TUSC3: variants seen among roughly 807,000 people sequenced by gnomAD.
TUSC3 encodes tumor suppressor candidate 3.
TUSC3 carries 45 observed loss-of-function variants against 44.8 expected under a neutral mutation model. That is an observed-to-expected ratio of 1.00 (90% CI 0.79 to 1.29). The LOEUF is 1.29. Ranked by LOEUF, TUSC3 falls within the 50% of genes most tolerant of loss-of-function variation. TUSC3 has a pLI of 0.00. For missense variants in TUSC3, 519 were observed against 437.9 expected (o/e 1.19, Z -1.65); for synonymous variants, 212 against 152.9 (o/e 1.39, Z -2.85).
At chr8:15,627,367 T>C (rs979897519) in intron 2 of TUSC3, among the ~76,000 whole-genome samples, 16 of 152,232 alleles carry the variant, frequency 1.1e-4, no homozygotes, top group African/African-American at 1.4e-4. Flanking sequence ...AGGTTCCCTC[T>C]GAGCTGTTCT....
intron 2 of TUSC3, among the ~76,000 whole-genome samples, chr8:15,535,117 A>G (rs540411004): frequency 5.3e-5 from 8 of 152,316 alleles, no homozygotes; most frequent in East Asian, 1.9e-4. Context: ...CACTGTTTGT[A>G]TGATAACTTT....
chr8:15,583,189 A>G (rs565528225), intron 1 of TUSC3, among the ~76,000 whole-genome samples: 1 of 152,368 alleles, frequency 6.6e-6, no homozygotes, highest in South Asian at 2.1e-4. Context: ...CGTCAAAATG[A>G]AATTAAATAG....
chr8:15,435,117 T>A (rs1398343512), intron 1 of TUSC3, among the ~76,000 whole-genome samples: 1 of 149,172 alleles, frequency 6.7e-6, no homozygotes, highest in East Asian at 1.9e-4. Context: ...CCACACCGAC[T>A]TCCACAATGG....
chr8:15,644,757 G>C (rs147372585), intron 2 of TUSC3, among the ~76,000 whole-genome samples: 2 of 151,488 alleles, frequency 1.3e-5, no homozygotes, highest in African/African-American at 4.9e-5. Context: ...CGTATTCCTC[G>C]GGCTCATTTA....
intron 10 of TUSC3, among the ~76,000 whole-genome samples, chr8:15,759,647 T>A (rs1407841635): frequency 6.6e-6 from 1 of 152,060 alleles, no homozygotes; most frequent in African/African-American, 2.4e-5. Context: ...AGCATTTTAG[T>A]TGACAAGCCC....
intron 1 of TUSC3, among the ~76,000 whole-genome samples, chr8:15,551,446 A>G (rs913752210): frequency 2.6e-5 from 4 of 151,806 alleles, no homozygotes; most frequent in African/African-American, 9.7e-5. Context: ...TTAATTTTCA[A>G]CAATTTAATT....
In TUSC3 at chr8:15,633,585, C is replaced by T. The variant is rs147182529; in HGVS notation, c.308+10336C>T. Among the ~76,000 whole-genome samples, 553 of 152,204 alleles carry T rather than the reference C, an allele frequency of 3.6e-3. 6 individuals are homozygous for T. The highest frequency in any genetic ancestry group is 0.035 in the South Asian group (170 of 4,816). ...CCGATGCCATATCAGCAAAAGAGGG[C>T]AATTTTTTTACTAAATTCTATTTTA... is the stretch of plus-strand genomic sequence containing the variant. On this transcript the variant is annotated intron_variant, in intron 2 of 10. Transcript: ENST00000503731.
At chr8:15,465,474 C>A (rs1003857357) in intron 1 of TUSC3, among the ~76,000 whole-genome samples, 1 of 152,096 alleles carries the variant, frequency 6.6e-6, no homozygotes, top group Non-Finnish European at 1.5e-5. Flanking sequence ...CAGTCTATAC[C>A]AACAATGATC....
intron 6 of TUSC3, among the ~76,000 whole-genome samples, chr8:15,681,895 G>A (rs1167996019): frequency 6.6e-6 from 1 of 151,804 alleles, no homozygotes; most frequent in Admixed American, 6.6e-5. Flanking sequence ...AGAATTTTTT[G>A]TTTTCTGTCT....
At chr8:15,554,900 C>T (rs962746247) in intron 1 of TUSC3, among the ~76,000 whole-genome samples, 4 of 151,110 alleles carry the variant, frequency 2.6e-5, no homozygotes, top group South Asian at 2.1e-4. Flanking sequence ...CCACCGCACC[C>T]GGCCAACATT....
intron 2 of TUSC3, among the ~76,000 whole-genome samples, chr8:15,511,205 A>T (rs1436548459): frequency 6.6e-6 from 1 of 151,994 alleles, no homozygotes; most frequent in Non-Finnish European, 1.5e-5. Context: ...TACTACTCCT[A>T]TTCAGTATAG....
chr8:15,806,929 G>T, the TUSC3 span: 10 of 1,433,630 alleles, frequency 7.0e-6, no homozygotes, highest in East Asian at 2.3e-4. Flanking sequence ...TCTGCACCAT[G>T]TTTCTTCTCT....
At chr8:15,620,002 C>G (rs1483694256) in intron 1 of TUSC3, among the ~76,000 whole-genome samples, 1 of 152,072 alleles carries the variant, frequency 6.6e-6, no homozygotes, top group Non-Finnish European at 1.5e-5. Flanking sequence ...GTGGAGGTTG[C>G]GATTTGCTGA....
At chr8:15,594,999 A>T (rs559830889) in intron 1 of TUSC3, among the ~76,000 whole-genome samples, 2 of 152,092 alleles carry the variant, frequency 1.3e-5, no homozygotes, top group Non-Finnish European at 2.9e-5. Context: ...TCGGGGCAAT[A>T]TGATACTCTG....
chr8:15,600,586 A>G (rs1346847322), intron 1 of TUSC3, among the ~76,000 whole-genome samples: 1 of 151,722 alleles, frequency 6.6e-6, no homozygotes, highest in African/African-American at 2.4e-5. Context: ...GTTACAGATT[A>G]AAATAAATTG....
intron 1 of TUSC3, among the ~76,000 whole-genome samples, chr8:15,477,920 G>A (rs1046638948): frequency 6.6e-6 from 1 of 151,878 alleles, no homozygotes; most frequent in African/African-American, 2.4e-5. Flanking sequence ...ACCAGTAAAA[G>A]ATCTATAGAA....
chr8:15,785,420 A>G, the TUSC3 span, among the ~76,000 whole-genome samples: 2 of 151,752 alleles, frequency 1.3e-5, no homozygotes, highest in Non-Finnish European at 2.9e-5. Flanking sequence ...TCATATTAAA[A>G]GTACATTAAT....
At chr8:15,699,525 T>G (rs1809307960) in intron 6 of TUSC3, among the ~76,000 whole-genome samples, 2 of 152,206 alleles carry the variant, frequency 1.3e-5, no homozygotes, top group Non-Finnish European at 2.9e-5. Flanking sequence ...GTAATTGATG[T>G]GACTTTTAAA....
intron 1 of TUSC3, among the ~76,000 whole-genome samples, chr8:15,544,139 C>G (rs1435757255): frequency 2.0e-5 from 3 of 151,960 alleles, no homozygotes; most frequent in African/African-American, 7.3e-5. Flanking sequence ...TTTTTGAATC[C>G]TCACTGATGT....
Sources: allele counts gnomAD v4.1 joint callset (sites outside exome capture counted in the v4.1 genomes callset), GRCh38; gene constraint gnomAD v4.1.1; transcripts MANE v1.5; gene names NCBI Gene and HGNC (gene_info 2026-07-23, HGNC 2026-07-21).